UBR2: variants seen among roughly 807,000 people sequenced by gnomAD.
The protein encoded by UBR2 is ubiquitin protein ligase E3 component n-recognin 2.
A neutral mutation model predicts 247.9 loss-of-function variants in UBR2; 92 were observed. The observed-to-expected ratio is 0.37, with a 90% CI of 0.31 to 0.44. UBR2 has a LOEUF of 0.44. Among genes scored for constraint, UBR2 ranks in the 20% least tolerant of loss-of-function variants. The pLI is 1.00. For synonymous variants in UBR2, 672 were observed against 693.5 expected, an observed-to-expected ratio of 0.97 and a Z score of 0.49; for missense variants, 1,613 against 2,112.6, an observed-to-expected ratio of 0.76 and a Z score of 4.64.
chr6:42,648,471 G>T (rs1392614621), intron 22 of UBR2, among the ~76,000 whole-genome samples: 1 of 152,162 alleles, frequency 6.6e-6, no homozygotes, highest in Non-Finnish European at 1.5e-5. Flanking sequence ...TAAATGCATT[G>T]TAATTTCTTA....
At chr6:42,578,962 C>A (rs112734910) in intron 2 of UBR2, among the ~76,000 whole-genome samples, 1,487 of 103,978 alleles carry the variant, frequency 0.014, 19 homozygotes, top group African/African-American at 0.062. Flanking sequence ...CTCAAAAACA[C>A]ACACACACAA....
intron 4 of UBR2, among the ~76,000 whole-genome samples, chr6:42,597,873 G>A (rs1352186599): frequency 4.6e-5 from 7 of 151,592 alleles, no homozygotes; most frequent in African/African-American, 1.2e-4. Flanking sequence ...CCAAGATTGC[G>A]CCATTGCACT....
intron 11 of UBR2, chr6:42,620,497 TTTGTTTTTG>T (rs1306400755): frequency 2.4e-3 from 214 of 89,350 alleles, no homozygotes; most frequent in African/African-American, 6.2e-3. Context: ...TTTTTTTGTT[TTTGTTTTTG>T]TTTTTTTTTA....
At chr6:42,623,237 TTTGA>T (rs1300926328) in intron 11 of UBR2, among the ~76,000 whole-genome samples, 1 of 152,072 alleles carries the variant, frequency 6.6e-6, no homozygotes, top group African/African-American at 2.4e-5. Flanking sequence ...TTGGTTTTTG[TTTGA>T]TTGTTTATAG....
intron 40 of UBR2, among the ~76,000 whole-genome samples, chr6:42,678,218 C>G (rs1798826906): frequency 6.6e-6 from 1 of 152,214 alleles, no homozygotes; most frequent in South Asian, 2.1e-4. Context: ...CACCTGTAGT[C>G]CCAGCTACTC....
Position 42,564,238 on chromosome 6 carries a change from G to T in UBR2, c.-82G>T. 6.7e-7 allele frequency: 1 copy of T among 1,502,480 alleles called. No homozygotes were observed. The highest frequency in any genetic ancestry group is 2.4e-5 in the East Asian group (1 of 41,524). 93.1% of individuals were successfully genotyped at this position (1,502,480 alleles called of 1,614,324 possible). A position where few individuals can be genotyped will look rare whatever the true frequency, so the allele number is the denominator to read the frequency against. ...TCCGGGACTGATTGCCTGGGGCAGG[G>T]GTGGCAGTCGAGGCCGCCGGGGCCG... is the stretch of plus-strand genomic sequence containing the variant. On this transcript the variant is annotated 5_prime_UTR_variant, in exon 1 of 47. Transcript: ENST00000372901.
chr6:42,597,223 A>G (rs747878697), intron 4 of UBR2, among the ~76,000 whole-genome samples: 21 of 152,170 alleles, frequency 1.4e-4, no homozygotes, highest in Non-Finnish European at 2.2e-4. Context: ...AAGTCATACA[A>G]TCCTGCCTGG....
chr6:42,652,404 T>TCG (rs1797174910), intron 24 of UBR2, 87 bp from the exon 25 acceptor site: 1 of 1,408,714 alleles, frequency 7.1e-7, no homozygotes, highest in East Asian at 2.3e-5. Context: ...TGAATATTCT[T>TCG]TGAGTTAAAA....
At position 42,659,678 on chromosome 6, in the gene UBR2, C is replaced by T. The variant is rs1167692338; in HGVS notation, c.3265C>T (p.Leu1089Phe). 9 of 1,613,832 alleles carry T rather than the reference C, an allele frequency of 5.6e-6. No individual in the cohort carries two copies. The highest frequency in any genetic ancestry group is 1.6e-4 in the Middle Eastern group (1 of 6,062). ...DHSPVASDMT[L>F]TALGPAQTQV... ...CAGCCCTGTGGCTTCAGATATGACA[C>T]TTACAGCACTGGGCCCCGCACAAAC... The change falls in exon 30 of 47, where the codon CTT becomes TTT. Residue 1089 changes from leucine to phenylalanine, a missense_variant. Leu to Phe is a conservative substitution (Grantham distance 22). Around this residue, in one of 3 missense-constraint regions of UBR2, gnomAD observed 1,524 missense variants for 1,967.3 expected, o/e 0.77. Transcript: ENST00000372901. This position sits in a 1 kb window ranked among gnomAD's most constrained non-coding sequence, Gnocchi z 4.3.
intron 39 of UBR2, 42 bp from the exon 40 acceptor site, chr6:42,676,741 T>G: frequency 6.7e-7 from 1 of 1,486,560 alleles, no homozygotes; most frequent in Non-Finnish European, 9.4e-7. Context: ...TGATAACACT[T>G]AATTGGAAAA....
intron 21 of UBR2, among the ~76,000 whole-genome samples, chr6:42,647,121 C>G (rs866162714): frequency 6.6e-5 from 10 of 151,784 alleles, no homozygotes; most frequent in African/African-American, 2.4e-4. Flanking sequence ...CACACCTGGC[C>G]GAATGATGAA....
rs756987225 is a variant in UBR2, at chr6:42,665,418, T to A, written c.3708T>A (p.Asn1236Lys). ...CTATAATCTTTTCTAGCAGGTTAAA[T>A]TTTTCAGACCAACCAAATCTGACTC... The part of the protein sequence containing the change: ...PPRNIFNNRL[N>K]FSDQPNLTQW... Residue 1236 changes from asparagine (N) to lysine (K), a missense_variant, in exon 33 of 47, where the codon AAT (asparagine) becomes AAA (lysine). Transcript: ENST00000372901. 3 of 1,611,392 alleles carry A rather than the reference T, an allele frequency of 1.9e-6. No homozygotes were observed. In the African/African-American group the frequency reaches 4.0e-5, roughly 22 times the overall value.
rs568262411 is a variant in UBR2, at chr6:42,659,015, G to A, written c.3242+191G>A. 1.3e-4 allele frequency among the ~76,000 whole-genome samples: 20 copies of A among 152,152 alleles called. No homozygotes were observed. The highest frequency in any genetic ancestry group is 4.8e-4 in the African/African-American group (20 of 41,522). On this transcript the variant is annotated intron_variant, in intron 29 of 46. Coordinates refer to ENST00000372901, the MANE Select transcript of UBR2 (RefSeq NM_001363705.2). This position sits in a 1 kb window ranked among gnomAD's most constrained non-coding sequence, Gnocchi z 4.3. Reference sequence around the variant, plus strand: ...TGAATGTAGGTATGGTAAGTCCTGTGTACACCTGGTAGGGTATTTTCTGCA... The same window carrying A: ...TGAATGTAGGTATGGTAAGTCCTGTATACACCTGGTAGGGTATTTTCTGCA...
intron 2 of UBR2, among the ~76,000 whole-genome samples, chr6:42,591,019 A>C (rs1792624979): frequency 6.6e-6 from 1 of 152,244 alleles, no homozygotes; most frequent in Non-Finnish European, 1.5e-5. Context: ...TGGGAGGCCA[A>C]GGCAGGCAGA....
At chr6:42,638,340 G>A (rs534948321) in intron 15 of UBR2, among the ~76,000 whole-genome samples, 3 of 151,962 alleles carry the variant, frequency 2.0e-5, no homozygotes, top group Admixed American at 2.0e-4. Context: ...CAGTAGTAAT[G>A]ATTCCTCTTT....
intron 17 of UBR2, 54 bp from the exon 18 acceptor site, chr6:42,642,362 G>T: frequency 7.8e-7 from 1 of 1,286,748 alleles, no homozygotes; most frequent in South Asian, 1.3e-5. Flanking sequence ...AAGGATTAGA[G>T]AGAGCCTGAG....
chr6:42,661,283 C>G (rs560288416), intron 30 of UBR2, among the ~76,000 whole-genome samples: 3 of 150,028 alleles, frequency 2.0e-5, no homozygotes, highest in South Asian at 4.2e-4. Flanking sequence ...GCGAGACTGT[C>G]TTAAAAAAAA....
intron 38 of UBR2, among the ~76,000 whole-genome samples, chr6:42,675,570 G>A (rs530660142): frequency 1.3e-5 from 2 of 152,232 alleles, no homozygotes; most frequent in Admixed American, 1.3e-4. Flanking sequence ...ATTTCATGTA[G>A]CCAGTCCTAT....
chr6:42,579,769 A>G (rs1791757447), intron 2 of UBR2, among the ~76,000 whole-genome samples: 1 of 152,160 alleles, frequency 6.6e-6, no homozygotes, highest in African/African-American at 2.4e-5. Flanking sequence ...TGGCCTCCCA[A>G]AGTGCTGGGA....
Sources: allele counts gnomAD v4.1 joint callset (sites outside exome capture counted in the v4.1 genomes callset), GRCh38; gene constraint gnomAD v4.1.1; regional missense constraint gnomAD v4.1.1; non-coding constraint Gnocchi (gnomAD v3.1); transcripts MANE v1.5; gene names NCBI Gene and HGNC (gene_info 2026-07-23, HGNC 2026-07-21).